The following CNTN4 variants were observed in gnomAD, a reference collection of about 807,000 sequenced individuals.
CNTN4 encodes contactin 4.
CNTN4 carries 77 observed loss-of-function variants against 122.5 expected under a neutral mutation model. That is an observed-to-expected ratio of 0.63 (90% confidence interval 0.52 to 0.76). CNTN4 has a LOEUF of 0.76. CNTN4 is among the 30% of genes least tolerant of loss of function. CNTN4 has a pLI of 0.00. For synonymous variants in CNTN4, 512 were observed against 447.0 expected (o/e 1.15, Z -1.83); for missense variants, 1,256 against 1,259.1 (o/e 1.00, Z 0.04).
At chr3:2,830,778 A>C (rs2093086980) in intron 7 of CNTN4, among the ~76,000 whole-genome samples, 1 of 152,210 alleles carries the variant, frequency 6.6e-6, no homozygotes, top group Non-Finnish European at 1.5e-5. Flanking sequence ...TTCAGCTGAA[A>C]AAGGAATGAG....
At chr3:2,998,973 T>G (rs1278798674) in intron 14 of CNTN4, 1 of 152,226 alleles carries the variant, frequency 6.6e-6, no homozygotes, top group Non-Finnish European at 1.5e-5. Context: ...TTATATTATT[T>G]GTAGAAATAT....
At chr3:3,002,439 GA>G (rs1696143277) in intron 14 of CNTN4, among the ~76,000 whole-genome samples, 1 of 152,352 alleles carries the variant, frequency 6.6e-6, no homozygotes, top group East Asian at 1.9e-4. Context: ...GAGAGAAACA[GA>G]GATAGAGAGA....
At chr3:2,602,088 T>A (rs1048562279) in intron 4 of CNTN4, among the ~76,000 whole-genome samples, 8 of 152,164 alleles carry the variant, frequency 5.3e-5, no homozygotes, top group Non-Finnish European at 1.2e-4. Flanking sequence ...TGATGGAACG[T>A]ATCTCAAAAT....
chr3:2,195,352 G>A (rs2037785775), intron 2 of CNTN4, among the ~76,000 whole-genome samples: 1 of 152,032 alleles, frequency 6.6e-6, no homozygotes. Flanking sequence ...ATTACATATT[G>A]TAGCCATTGT....
chr3:2,854,037 C>T (rs1577061865), intron 7 of CNTN4, among the ~76,000 whole-genome samples: 3 of 152,264 alleles, frequency 2.0e-5, no homozygotes. Flanking sequence ...CTTCACTGCA[C>T]CTCAAGGCAG....
At chr3:2,954,866 A>C (rs7612126) in intron 13 of CNTN4, among the ~76,000 whole-genome samples, 1 of 152,012 alleles carries the variant, frequency 6.6e-6, no homozygotes, top group African/African-American at 2.4e-5. Context: ...TTGTTCTCTA[A>C]TCATTTTCTC....
chr3:2,766,118 G>A (rs767395648), intron 6 of CNTN4, among the ~76,000 whole-genome samples: 6 of 152,180 alleles, frequency 3.9e-5, no homozygotes, highest in Admixed American at 2.0e-4. Flanking sequence ...TCCTTTGGGG[G>A]TTTGGTTCAA....
chr3:2,942,401 G>T (rs968576992), intron 13 of CNTN4, among the ~76,000 whole-genome samples: 1 of 152,148 alleles, frequency 6.6e-6, no homozygotes, highest in South Asian at 2.1e-4. Flanking sequence ...AACATAATTA[G>T]TTATAATTAT....
intron 13 of CNTN4, among the ~76,000 whole-genome samples, chr3:2,928,951 T>C (rs892000919): frequency 6.6e-6 from 1 of 152,250 alleles, no homozygotes; most frequent in African/African-American, 2.4e-5. Context: ...CTTAAAAATA[T>C]GTTTAAAATA....
chr3:2,979,153 G>A (rs1693713101), intron 13 of CNTN4, among the ~76,000 whole-genome samples: 1 of 152,160 alleles, frequency 6.6e-6, no homozygotes, highest in South Asian at 2.1e-4. Flanking sequence ...CTTACCAGGT[G>A]GGAAGGAGTT....
chr3:2,793,668 T>C (rs1384217725), intron 6 of CNTN4, among the ~76,000 whole-genome samples: 1 of 152,194 alleles, frequency 6.6e-6, no homozygotes, highest in Non-Finnish European at 1.5e-5. Context: ...TAGCCACATT[T>C]CCAGAACTTG....
intron 6 of CNTN4, among the ~76,000 whole-genome samples, chr3:2,800,975 A>G (rs2092333652): frequency 6.6e-6 from 1 of 151,730 alleles, no homozygotes; most frequent in South Asian, 2.1e-4. Flanking sequence ...CTTCCTTCCT[A>G]CTCCCAGCTC....
chr3:2,790,829 T>C lies in CNTN4; in HGVS notation c.359-28657T>C, dbSNP rs186096420. 1.4e-4 allele frequency among the ~76,000 whole-genome samples: 22 copies of C among 152,340 alleles called. No homozygotes were observed. In the East Asian group the frequency reaches 4.2e-3, roughly 29 times the overall value. On this transcript the variant is annotated intron_variant, in intron 6 of 24. Transcript: ENST00000418658. ...ACAAGGAAAATGATCTTATTTTTTA[T>C]GCAAATCTTGCACATAAAATTGATA... is the stretch of plus-strand genomic sequence containing the variant.
chr3:2,325,685 T>A (rs1243169326), intron 2 of CNTN4, among the ~76,000 whole-genome samples: 1 of 152,196 alleles, frequency 6.6e-6, no homozygotes, highest in African/African-American at 2.4e-5. Flanking sequence ...CAGCGGTCAC[T>A]ACACATACTG....
intron 7 of CNTN4, among the ~76,000 whole-genome samples, chr3:2,835,264 T>C (rs1180984015): frequency 6.6e-6 from 1 of 152,174 alleles, no homozygotes; most frequent in East Asian, 1.9e-4. Context: ...TCCATTTACA[T>C]TATTTTAAAC....
chr3:2,222,275 T>A (rs1335395557), intron 2 of CNTN4, among the ~76,000 whole-genome samples: 1 of 152,078 alleles, frequency 6.6e-6, no homozygotes, highest in Admixed American at 6.6e-5. Context: ...TTCTGCTAAG[T>A]GAAAGAAAGT....
chr3:2,302,204 G>A (rs976191624), intron 2 of CNTN4, among the ~76,000 whole-genome samples: 1 of 152,200 alleles, frequency 6.6e-6, no homozygotes, highest in Non-Finnish European at 1.5e-5. Flanking sequence ...GCTGAGGCGG[G>A]TGGTTCATGA....
intron 4 of CNTN4, among the ~76,000 whole-genome samples, chr3:2,699,230 G>A (rs189348926): frequency 1.8e-4 from 27 of 152,220 alleles, no homozygotes; most frequent in Admixed American, 1.0e-3. Context: ...GAGGGCTTTG[G>A]AGTGGAAATT....
intron 3 of CNTN4, among the ~76,000 whole-genome samples, chr3:2,526,370 T>C (rs2077398223): frequency 6.6e-6 from 1 of 152,190 alleles, no homozygotes; most frequent in Admixed American, 6.6e-5. Context: ...GGACAAATTC[T>C]TCCCTATGAC....
Sources: gnomAD v4.1 joint callset for allele counts (sites outside exome capture counted in the v4.1 genomes callset) on GRCh38, gnomAD v4.1.1 for gene constraint, MANE v1.5 for transcripts, NCBI Gene and HGNC (gene_info 2026-07-23, HGNC 2026-07-21) for gene names.